The following CNTLN variants were observed in gnomAD, a reference collection of about 807,000 sequenced individuals.
CNTLN encodes the protein centlein, also known as centlein, centrosomal protein.
CNTLN carries 212 observed loss-of-function variants against 180.0 expected under a neutral mutation model. The ratio of observed to expected loss-of-function variants is 1.18; its 90% CI spans 1.05 to 1.32. The LOEUF (loss-of-function observed/expected upper bound fraction) is 1.32, where lower values mean the gene tolerates loss of function less well. Among genes scored for constraint, CNTLN ranks in the 40% most tolerant of loss-of-function variants. The pLI is 0.00. For synonymous variants in CNTLN, 722 were observed against 563.1 expected (o/e 1.28, Z -3.99); for missense variants, 2,095 against 1,610.9 (o/e 1.30, Z -5.14).
chr9:17,166,548 G>C (rs185609528), intron 2 of CNTLN, among the ~76,000 whole-genome samples: 1 of 152,264 alleles, frequency 6.6e-6, no homozygotes. Flanking sequence ...ACATTATTAT[G>C]CAATTTTAGA....
intron 6 of CNTLN, among the ~76,000 whole-genome samples, chr9:17,295,370 C>T (rs1587546873): frequency 6.6e-6 from 1 of 152,220 alleles, no homozygotes; most frequent in African/African-American, 2.4e-5. Context: ...ACTGCGAGGG[C>T]TGCCAGCACA....
At chr9:17,183,427 A>G (rs1389111427) in intron 2 of CNTLN, among the ~76,000 whole-genome samples, 1 of 152,102 alleles carries the variant, frequency 6.6e-6, no homozygotes, top group African/African-American at 2.4e-5. Context: ...TCTTATATGT[A>G]GACTTTTGAA....
chr9:17,215,005 C>G (rs1031219144), intron 2 of CNTLN, among the ~76,000 whole-genome samples: 1 of 152,168 alleles, frequency 6.6e-6, no homozygotes, highest in African/African-American at 2.4e-5. Context: ...CGAACTTCCT[C>G]CTTTAGCTGG....
At chr9:17,325,587 A>ACG (rs1820234864) in intron 8 of CNTLN, among the ~76,000 whole-genome samples, 1 of 151,164 alleles carries the variant, frequency 6.6e-6, no homozygotes, top group Admixed American at 6.6e-5. Context: ...GCACACACAC[A>ACG]CTTGACCCGT....
downstream of CNTLN, among the ~76,000 whole-genome samples, chr9:17,507,579 A>C (rs1401395705): frequency 6.6e-6 from 1 of 152,196 alleles, no homozygotes; most frequent in Non-Finnish European, 1.5e-5. Context: ...TAATTCCTAC[A>C]TTTCCATGCA....
At chr9:17,508,400 T>G (rs2134446986), downstream of CNTLN, among the ~76,000 whole-genome samples, 1 of 152,348 alleles carries the variant, frequency 6.6e-6, no homozygotes, top group South Asian at 2.1e-4. Flanking sequence ...TACAATATTT[T>G]TAACTAAAAT....
chr9:17,523,962 A>T, the CNTLN span, among the ~76,000 whole-genome samples: 3 of 152,200 alleles, frequency 2.0e-5, no homozygotes, highest in Non-Finnish European at 4.4e-5. Context: ...TTCACTAATA[A>T]ATCTCTTGCT....
At chr9:17,399,484 A>AC (rs1469941739) in intron 15 of CNTLN, among the ~76,000 whole-genome samples, 1 of 152,148 alleles carries the variant, frequency 6.6e-6, no homozygotes, top group Non-Finnish European at 1.5e-5. Flanking sequence ...CTCATTCAAA[A>AC]TTATTTTACA....
chr9:17,440,082 T>C (rs1311353656), intron 18 of CNTLN, among the ~76,000 whole-genome samples: 1 of 152,194 alleles, frequency 6.6e-6, no homozygotes, highest in Admixed American at 6.5e-5. Flanking sequence ...ATCCAGAAGC[T>C]GGATCGCTGA....
intron 2 of CNTLN, among the ~76,000 whole-genome samples, chr9:17,207,675 G>A (rs1484621698): frequency 2.0e-5 from 3 of 151,882 alleles, no homozygotes; most frequent in Non-Finnish European, 2.9e-5. Flanking sequence ...TGTACCTACT[G>A]CTTAACCAGT....
rs532637124 is a variant in CNTLN at position 17,160,084 on chromosome 9, A to C, written c.449+16708A>C. 9.8e-5 allele frequency among the ~76,000 whole-genome samples: 15 copies of C among 152,354 alleles called. No individual in the cohort carries two copies. In the East Asian group the frequency reaches 2.9e-3, roughly 29 times the overall value. On this transcript the variant is annotated intron_variant, in intron 2 of 25. Transcript: ENST00000380647. ...CTGACTTTAGAAGTTGTACCAACTT[A>C]CACTTCCACCAGAAAATATAAGAAG...
chr9:17,303,700 A>G (rs574379348), intron 7 of CNTLN, among the ~76,000 whole-genome samples: 25 of 152,032 alleles, frequency 1.6e-4, no homozygotes, highest in Non-Finnish European at 2.2e-4. Context: ...CTAGAGCATT[A>G]TATGTATTGT....
chr9:17,301,085 C>T, intron 7 of CNTLN: 1 of 985,318 alleles, frequency 1.0e-6, no homozygotes, highest in Non-Finnish European at 1.2e-6. Flanking sequence ...GAAAGCTCTC[C>T]TTGATGGTGT....
chr9:17,303,057 G>A (rs929445643), intron 7 of CNTLN, among the ~76,000 whole-genome samples: 2 of 152,138 alleles, frequency 1.3e-5, no homozygotes, highest in African/African-American at 4.8e-5. Flanking sequence ...GCACCAACCT[G>A]ATGTGGTATT....
At chr9:17,274,088 C>G (rs1243516317) in intron 6 of CNTLN, among the ~76,000 whole-genome samples, 1 of 152,010 alleles carries the variant, frequency 6.6e-6, no homozygotes, top group East Asian at 1.9e-4. Flanking sequence ...AAGGGGTACC[C>G]TAGTTTCAGT....
At chr9:17,202,168 T>A (rs1472859461) in intron 2 of CNTLN, among the ~76,000 whole-genome samples, 1 of 152,220 alleles carries the variant, frequency 6.6e-6, no homozygotes, top group Non-Finnish European at 1.5e-5. Flanking sequence ...TCATCCTGAG[T>A]TCTAATTTGA....
chr9:17,445,799 G>A (rs1398624673), intron 18 of CNTLN, among the ~76,000 whole-genome samples: 1 of 152,240 alleles, frequency 6.6e-6, no homozygotes, highest in East Asian at 1.9e-4. Context: ...GTGCTGAGGA[G>A]GATTAGTAAA....
intron 2 of CNTLN, among the ~76,000 whole-genome samples, chr9:17,212,961 C>T (rs1823442054): frequency 6.6e-6 from 1 of 151,982 alleles, no homozygotes. Flanking sequence ...CTTTATTAGT[C>T]TTGCTAGCGG....
In CNTLN at chr9:17,457,808, T is replaced by C. The variant is rs1006914700; in HGVS notation, c.3306+93T>C. Reference sequence around the variant, plus strand: ...GAACACTAATTTATTCTAATAAAGGTAAATTATGTTATAGATAATCCAAAA... The same window carrying C: ...GAACACTAATTTATTCTAATAAAGGCAAATTATGTTATAGATAATCCAAAA... On this transcript the variant is annotated intron_variant, in intron 19 of 25. Coordinates refer to ENST00000380647, the MANE Select transcript of CNTLN (RefSeq NM_017738.4). 14 of 801,620 alleles carry C rather than the reference T, an allele frequency of 1.7e-5. No individual in the cohort carries two copies. The African/African-American group carries it at 2.2e-4, about 12-fold the overall frequency. 49.7% of individuals were successfully genotyped at this position (801,620 alleles called of 1,614,324 possible).
Sources: gnomAD v4.1 joint callset for allele counts (sites outside exome capture counted in the v4.1 genomes callset) on GRCh38, gnomAD v4.1.1 for gene constraint, MANE v1.5 for transcripts, NCBI Gene and HGNC (gene_info 2026-07-23, HGNC 2026-07-21) for gene names.